Variants in SAMMSON observed in about 807,000 individuals in gnomAD.
The protein encoded by SAMMSON is long intergenic non-protein coding RNA 1212.
intron 6 of SAMMSON, among the ~76,000 whole-genome samples, chr3:70,274,571 CTGAACAA>C: frequency 6.6e-6 from 1 of 152,166 alleles, no homozygotes; most frequent in Admixed American, 6.5e-5. Flanking sequence ...TAAGTGGGAG[CTGAACAA>C]TGAGGACACA....
chr3:70,210,116 C>T (rs1172035878), intron 4 of SAMMSON, among the ~76,000 whole-genome samples: 1 of 152,080 alleles, frequency 6.6e-6, no homozygotes, highest in Non-Finnish European at 1.5e-5. Flanking sequence ...ATAGAGGTTA[C>T]TGGAATGTAA....
At position 70,050,420 on chromosome 3, in the gene SAMMSON, G is replaced by A. The variant is rs545192007; in HGVS notation, n.418-21056G>A. 5.9e-5 allele frequency among the ~76,000 whole-genome samples: 9 copies of A among 152,186 alleles called. 1 individual carries two copies. The highest frequency in any genetic ancestry group is 6.8e-3 in the Middle Eastern group (2 of 294). On this transcript the variant is annotated intron_variant and non_coding_transcript_variant, in intron 3 of 9. Transcript: ENST00000642114. ...GCAGAGCAGCTCTCAGAAGAAAACC[G>A]AAGGCTATAGGGACAAGAAAAGACA...
intron 9 of SAMMSON, among the ~76,000 whole-genome samples, chr3:70,375,322 T>C (rs1000364967): frequency 4.6e-5 from 7 of 152,080 alleles, no homozygotes; most frequent in Middle Eastern, 3.2e-3. Context: ...CGCTCAATAG[T>C]GTTTATGGTT....
chr3:70,313,078 T>C (rs929894305), intron 7 of SAMMSON, among the ~76,000 whole-genome samples: 1 of 152,148 alleles, frequency 6.6e-6, no homozygotes, highest in African/African-American at 2.4e-5. Flanking sequence ...AAGAAAACAT[T>C]TCAAGTTTTT....
intron 2 of SAMMSON, among the ~76,000 whole-genome samples, chr3:70,411,773 T>G (rs1183065079): frequency 3.9e-5 from 6 of 152,206 alleles, no homozygotes; most frequent in African/African-American, 1.4e-4. Context: ...CTCCTTTGCC[T>G]TCTGCTATGA....
chr3:70,205,579 A>G (rs1701281984), intron 4 of SAMMSON: 1 of 151,970 alleles, frequency 6.6e-6, no homozygotes. Context: ...AACATACCCC[A>G]TGGTGTGAAC....
intron 7 of SAMMSON, among the ~76,000 whole-genome samples, chr3:70,320,998 GA>G (rs1004608664): frequency 4.6e-5 from 7 of 151,832 alleles, no homozygotes; most frequent in African/African-American, 1.7e-4. Context: ...AAAGAGCTTG[GA>G]AAAAAACCTG....
At chr3:70,061,634 C>G (rs968613215) in intron 3 of SAMMSON, among the ~76,000 whole-genome samples, 2 of 152,064 alleles carry the variant, frequency 1.3e-5, no homozygotes, top group Non-Finnish European at 2.9e-5. Context: ...CCTGGCCAGC[C>G]CACCTCCCAA....
intron 7 of SAMMSON, among the ~76,000 whole-genome samples, chr3:70,350,476 T>C (rs1212635997): frequency 6.6e-6 from 1 of 152,124 alleles, no homozygotes; most frequent in African/African-American, 2.4e-5. Flanking sequence ...TAATAAATTA[T>C]ACTGGAAACA....
intron 7 of SAMMSON, among the ~76,000 whole-genome samples, chr3:70,345,188 C>T (rs1702741163): frequency 1.3e-5 from 2 of 152,178 alleles, no homozygotes; most frequent in Admixed American, 1.3e-4. Flanking sequence ...CCTCCTGCTC[C>T]AACAGAGTAA....
At chr3:70,005,918 A>G (rs1206923034) in intron 1 of SAMMSON, among the ~76,000 whole-genome samples, 1 of 152,204 alleles carries the variant, frequency 6.6e-6, no homozygotes, top group Admixed American at 6.5e-5. Context: ...CAAAGTATGT[A>G]GGCCACCCCT....
rs769726233 is a variant in SAMMSON, at chr3:70,372,695, T to C, written n.913+14371T>C. ...CAGAAATATTTTCTCTCATCCTATA[T>C]CTTTTCTTTCTAGTTCCTCATCAGG... is the stretch of plus-strand genomic sequence containing the variant. On this transcript the variant is annotated intron_variant and non_coding_transcript_variant, in intron 9 of 9. Coordinates refer to ENST00000642114, the Ensembl canonical transcript of SAMMSON. Among the ~76,000 whole-genome samples the C allele has an allele frequency of 2.6e-5, 4 of 152,322 alleles. 1 individual carries two copies. The highest frequency in any genetic ancestry group is 2.0e-4 in the Admixed American group (3 of 15,276).
intron 3 of SAMMSON, among the ~76,000 whole-genome samples, chr3:70,039,447 G>A (rs1209953552): frequency 1.3e-5 from 2 of 152,000 alleles, no homozygotes. Flanking sequence ...CTCCAAGCAA[G>A]AGGGAATTCT....
At chr3:70,016,767 G>A (rs959896982) in intron 3 of SAMMSON, among the ~76,000 whole-genome samples, 7 of 152,134 alleles carry the variant, frequency 4.6e-5, no homozygotes, top group African/African-American at 1.4e-4. Flanking sequence ...TTTTGTATAA[G>A]GTGTAAGGAA....
intron 7 of SAMMSON, chr3:70,291,781 C>T (rs1207787281): frequency 1.3e-5 from 2 of 152,180 alleles, no homozygotes; most frequent in African/African-American, 4.8e-5. Context: ...GTAATAGATG[C>T]TCACTAAATT....
intron 4 of SAMMSON, among the ~76,000 whole-genome samples, chr3:70,241,114 G>A (rs1701664064): frequency 6.6e-6 from 1 of 152,128 alleles, no homozygotes; most frequent in African/African-American, 2.4e-5. Context: ...GTTCATGGAT[G>A]GAGTACCATA....
At chr3:70,238,424 A>C (rs1369869939) in intron 4 of SAMMSON, among the ~76,000 whole-genome samples, 1 of 151,986 alleles carries the variant, frequency 6.6e-6, no homozygotes, top group Non-Finnish European at 1.5e-5. Context: ...GCCTGGCAAC[A>C]TGTAGAAATC....
chr3:70,428,149 C>A (rs1299926779), intron 2 of SAMMSON, among the ~76,000 whole-genome samples: 2 of 152,008 alleles, frequency 1.3e-5, no homozygotes, highest in African/African-American at 4.8e-5. Flanking sequence ...TCAGAAAACT[C>A]AATAATGTTA....
intron 4 of SAMMSON, among the ~76,000 whole-genome samples, chr3:70,080,207 T>C (rs2067262935): frequency 6.6e-6 from 1 of 152,344 alleles, no homozygotes; most frequent in East Asian, 1.9e-4. Flanking sequence ...CCAAACGAGT[T>C]GTACAACCCT....
Sources: allele counts gnomAD v4.1 joint callset (sites outside exome capture counted in the v4.1 genomes callset), GRCh38; gene constraint gnomAD v4.1.1; transcripts MANE v1.5; gene names NCBI Gene and HGNC (gene_info 2026-07-23, HGNC 2026-07-21).